The following ZNF676 variants were observed in gnomAD, a reference collection of about 807,000 sequenced individuals.
The protein encoded by ZNF676 is zinc finger protein 676.
ZNF676 carries 4 observed loss-of-function variants against 6.0 expected under a neutral mutation model. The ratio of observed to expected loss-of-function variants is 0.67; its 90% CI spans 0.33 to 1.53. The LOEUF is 1.53. ZNF676 is among the 40% of genes most tolerant of loss of function. ZNF676 has a pLI of 0.06. For missense variants in ZNF676, 644 were observed against 679.7 expected, an observed-to-expected ratio of 0.95 and a Z score of 0.58; for synonymous variants, 198 against 223.1, an observed-to-expected ratio of 0.89 and a Z score of 1.00.
chr19:22,225,106 A>G, the ZNF676 span, among the ~76,000 whole-genome samples: 1 of 152,196 alleles, frequency 6.6e-6, no homozygotes. Flanking sequence ...CCACTAAGTA[A>G]CAACTGCCCA....
At chr19:22,231,064 A>G in the ZNF676 span, among the ~76,000 whole-genome samples, 1 of 152,300 alleles carries the variant, frequency 6.6e-6, no homozygotes, top group Non-Finnish European at 1.5e-5. Flanking sequence ...AGTATTTTCT[A>G]TAATTTGAAA....
At chr19:22,210,896 A>G (rs1474911705) in intron 1 of ZNF676, among the ~76,000 whole-genome samples, 1 of 152,146 alleles carries the variant, frequency 6.6e-6, no homozygotes, top group Non-Finnish European at 1.5e-5. Flanking sequence ...GAACACTCCT[A>G]AGAACACACT....
In ZNF676 at chr19:22,180,319, T is replaced by A; in HGVS notation, c.1398A>T (p.Lys466Asn). 1 of 1,612,868 alleles carries A rather than the reference T, an allele frequency of 6.2e-7. No individual in the cohort carries two copies. The highest frequency in any genetic ancestry group is 8.5e-7 in the Non-Finnish European group (1 of 1,178,954). ...TCTCTGCAGCATGAATTCTCTTGTGTTTAGTAAAGCTTGAGGACCAGGTGA... is the reference window on the plus strand; with the variant it reads ...TCTCTGCAGCATGAATTCTCTTGTGATTAGTAAAGCTTGAGGACCAGGTGA... ...KAFTWSSSFT[K>N]HKRIHAAEKP... The change falls in exon 3 of 3, where the codon AAA becomes AAT. Residue 466 changes from lysine (K) to asparagine (N), a missense_variant. Around this residue, in one of 5 missense-constraint regions of ZNF676, gnomAD observed 306 missense variants for 265.4 expected, o/e 1.15. Transcript: ENST00000397121.
At chr19:22,181,911 C>A (rs1406147513) in intron 2 of ZNF676, among the ~76,000 whole-genome samples, 4 of 150,206 alleles carry the variant, frequency 2.7e-5, no homozygotes, top group South Asian at 4.3e-4. Context: ...CCTTCAGAAG[C>A]AAATTGTCCA....
At chr19:22,192,018 T>C (rs1205758503) in intron 2 of ZNF676, among the ~76,000 whole-genome samples, 1 of 152,166 alleles carries the variant, frequency 6.6e-6, no homozygotes, top group African/African-American at 2.4e-5. Flanking sequence ...TCACTGAAAT[T>C]GAAGGCAAAT....
chr19:22,186,292 C>T (rs187329992), intron 2 of ZNF676, among the ~76,000 whole-genome samples: 2 of 152,146 alleles, frequency 1.3e-5, no homozygotes, highest in African/African-American at 2.4e-5. Flanking sequence ...GCTTCATAAG[C>T]GAAGGTGAAA....
chr19:22,222,070 CT>C, the ZNF676 span, among the ~76,000 whole-genome samples: 1 of 151,944 alleles, frequency 6.6e-6, no homozygotes. Flanking sequence ...AAAATTTATA[CT>C]TCTGAAGCAC....
At chr19:22,244,677 C>G in the ZNF676 span, 1 of 152,218 alleles carries the variant, frequency 6.6e-6, no homozygotes, top group African/African-American at 2.4e-5. Flanking sequence ...GACACATCAC[C>G]TGGTTACTGG....
At chr19:22,185,242 C>G (rs1393866358) in intron 2 of ZNF676, among the ~76,000 whole-genome samples, 10 of 152,078 alleles carry the variant, frequency 6.6e-5, no homozygotes, top group Non-Finnish European at 1.2e-4. Flanking sequence ...GAGTGGACCT[C>G]CAGCAAGGTC....
intron 1 of ZNF676, among the ~76,000 whole-genome samples, chr19:22,209,657 A>C (rs1483845185): frequency 6.6e-6 from 1 of 152,156 alleles, no homozygotes; most frequent in African/African-American, 2.4e-5. Flanking sequence ...AATAAAAGTT[A>C]AAAGAAAAAA....
the ZNF676 span, chr19:22,243,459 T>C: frequency 6.6e-6 from 1 of 151,984 alleles, no homozygotes; most frequent in Non-Finnish European, 1.5e-5. Flanking sequence ...AAACACAAAG[T>C]TGACTGGTGC....
chr19:22,219,946 C>G (rs1046276527), upstream of ZNF676, among the ~76,000 whole-genome samples: 1 of 152,096 alleles, frequency 6.6e-6, no homozygotes, highest in African/African-American at 2.4e-5. Context: ...TGAGCCACCA[C>G]GCCCAGCCTG....
At chr19:22,182,585 T>TAAAAAAAAAAAAAAAAGAAA (rs2023772149) in intron 2 of ZNF676, among the ~76,000 whole-genome samples, 1 of 45,066 alleles carries the variant, frequency 2.2e-5, no homozygotes, top group Non-Finnish European at 3.8e-5. Context: ...GTCAAAGTTC[T>TAAAAAAAAAAAAAAAAGAAA]AAAAAAAAAA....
chr19:22,184,689 C>T (rs1052988479), intron 2 of ZNF676, among the ~76,000 whole-genome samples: 3 of 151,760 alleles, frequency 2.0e-5, no homozygotes, highest in Non-Finnish European at 2.9e-5. Context: ...GGGGGAAGGG[C>T]GTCTGCCATT....
Position 22,179,827 on chromosome 19 carries a change from A to G in ZNF676, c.*123T>C. The G allele has an allele frequency of 3.5e-6, 4 of 1,129,754 alleles. No homozygotes were observed. The highest frequency in any genetic ancestry group is 5.3e-6 in the Non-Finnish European group (4 of 760,236). The allele number at this position is 1,129,754 out of a possible 1,614,324, so 70.0% of individuals were successfully genotyped here. A position where few individuals can be genotyped will look rare whatever the true frequency, so the allele number is the denominator to read the frequency against. On this transcript the variant is annotated 3_prime_UTR_variant, in exon 3 of 3. Transcript: ENST00000397121. The stretch of plus-strand genomic sequence containing the variant: ...ATGAATTTTCTTATGTGTAATAAAG[A>G]TTGAGGACTGTTTAAAAGCTTTGCC...
At chr19:22,185,893 A>G (rs1334696538) in intron 2 of ZNF676, among the ~76,000 whole-genome samples, 1 of 152,068 alleles carries the variant, frequency 6.6e-6, no homozygotes, top group Non-Finnish European at 1.5e-5. Flanking sequence ...AAAGGACCAA[A>G]TCTTCGTTTG....
chr19:22,247,740 G>A, the ZNF676 span, among the ~76,000 whole-genome samples: 4 of 152,144 alleles, frequency 2.6e-5, no homozygotes, highest in Non-Finnish European at 5.9e-5. Context: ...AGCCAAGATC[G>A]TGCCACTGCA....
the ZNF676 span, among the ~76,000 whole-genome samples, chr19:22,251,763 G>A: frequency 6.8e-6 from 1 of 146,196 alleles, no homozygotes; most frequent in Non-Finnish European, 1.5e-5. Context: ...CTCCAGCCTG[G>A]CCGACAGAGC....
At chr19:22,188,958 C>G (rs2144744738) in intron 2 of ZNF676, among the ~76,000 whole-genome samples, 1 of 152,212 alleles carries the variant, frequency 6.6e-6, no homozygotes, top group African/African-American at 2.4e-5. Context: ...AATGCCATTC[C>G]CATCAAGCTA....
Sources: allele counts gnomAD v4.1 joint callset (sites outside exome capture counted in the v4.1 genomes callset), GRCh38; gene constraint gnomAD v4.1.1; regional missense constraint gnomAD v4.1.1; transcripts MANE v1.5; gene names NCBI Gene and HGNC (gene_info 2026-07-23, HGNC 2026-07-21).